LITAF: variants seen among roughly 807,000 people sequenced by gnomAD.
LITAF encodes lipopolysaccharide-induced tumor necrosis factor-alpha factor.
A neutral mutation model predicts 14.5 loss-of-function variants in LITAF; 9 were observed. The observed-to-expected ratio is 0.62, with a 90% confidence interval of 0.37 to 1.08. The LOEUF (loss-of-function observed/expected upper bound fraction) is 1.08. LITAF is among the 50% of genes least tolerant of loss of function. LITAF has a pLI of 0.01. For missense variants in LITAF, 206 were observed against 213.4 expected (o/e 0.97, Z 0.22); for synonymous variants, 98 against 88.2 (o/e 1.11, Z -0.62).
At chr16:11,617,085 T>C (rs2065023666) in intron 3 of LITAF, among the ~76,000 whole-genome samples, 1 of 151,888 alleles carries the variant, frequency 6.6e-6, no homozygotes, top group Non-Finnish European at 1.5e-5. Flanking sequence ...CCAGGCGTGG[T>C]GGTGCAAGCC....
chr16:11,589,017 C>T (rs1458608794), upstream of LITAF, among the ~76,000 whole-genome samples: 1 of 152,146 alleles, frequency 6.6e-6, no homozygotes, highest in Non-Finnish European at 1.5e-5. Flanking sequence ...TGAGCAGCAA[C>T]AGGAGCCAGC....
chr16:11,628,873 G>A (rs113077316), intron 3 of LITAF, among the ~76,000 whole-genome samples: 22,013 of 152,100 alleles, frequency 0.14, 2,095 homozygotes, highest in Non-Finnish European at 0.22. Context: ...ATGGAGTTTC[G>A]CCATATTGGC....
At chr16:11,566,466 T>A (rs760826569) in intron 1 of LITAF, among the ~76,000 whole-genome samples, 1 of 152,092 alleles carries the variant, frequency 6.6e-6, no homozygotes, top group Non-Finnish European at 1.5e-5. Context: ...TGGAAAGGCA[T>A]GAAGATTTGG....
At chr16:11,587,186 C>CA (rs930900029), upstream of LITAF, 16 of 336,022 alleles carry the variant, frequency 4.8e-5, no homozygotes, top group Admixed American at 2.7e-4. Context: ...GTGTCTCCCC[C>CA]ACTCTCCTAT....
At chr16:11,619,394 G>C (rs1567265641) in intron 3 of LITAF, among the ~76,000 whole-genome samples, 1 of 152,076 alleles carries the variant, frequency 6.6e-6, no homozygotes, top group African/African-American at 2.4e-5. Flanking sequence ...GCAAAGACCA[G>C]TGCCCCAAAG....
intron 1 of LITAF, among the ~76,000 whole-genome samples, chr16:11,585,470 A>G (rs1308473857): frequency 6.6e-6 from 1 of 152,130 alleles, no homozygotes; most frequent in Admixed American, 6.6e-5. Context: ...TGGAGAAGAA[A>G]GCCAAGTGCA....
chr16:11,633,737 G>C (rs2065128001), intron 2 of LITAF: 1 of 152,098 alleles, frequency 6.6e-6, no homozygotes, highest in African/African-American at 2.4e-5. Flanking sequence ...TCCTCACATG[G>C]GGCTGCTCTG....
intron 3 of LITAF, among the ~76,000 whole-genome samples, chr16:11,611,073 T>C (rs1418219322): frequency 6.6e-6 from 1 of 151,882 alleles, no homozygotes; most frequent in Non-Finnish European, 1.5e-5. Context: ...ATACAGTACA[T>C]GGCTAGGCAT....
At chr16:11,636,249 T>C (rs942249912) in exon 1 of LITAF, 5 of 152,192 alleles carry the variant, frequency 3.3e-5, no homozygotes, top group Admixed American at 1.3e-4. Flanking sequence ...ACCCGAGATT[T>C]GTTGTCTGAC....
At position 11,551,919 on chromosome 16, in the gene LITAF, A is replaced by G. The variant is rs1048505102; in HGVS notation, c.377+1614T>C. ...TAATACAAATATCCAGAGGCAATGGACTTTTTTTTTTTTTAAGCATTTTCT... is the reference window on the plus strand; with the variant it reads ...TAATACAAATATCCAGAGGCAATGGGCTTTTTTTTTTTTTAAGCATTTTCT... On this transcript the variant is annotated intron_variant, in intron 3 of 3. Transcript: ENST00000622633. 85 of 399,736 alleles carry G rather than the reference A, an allele frequency of 2.1e-4. 2 individuals carry two copies. The Middle Eastern group carries it at 4.9e-3, about 23-fold the overall frequency. The allele number at this position is 399,736 out of a possible 1,614,324, so 24.8% of individuals were successfully genotyped here.
intron 3 of LITAF, among the ~76,000 whole-genome samples, chr16:11,552,525 T>C (rs1292289054): frequency 1.3e-5 from 2 of 152,118 alleles, no homozygotes; most frequent in Admixed American, 1.3e-4. Flanking sequence ...ATTATTTAGG[T>C]CATGAAATTC....
chr16:11,571,172 A>T (rs976034282), intron 1 of LITAF, among the ~76,000 whole-genome samples: 2 of 152,110 alleles, frequency 1.3e-5, no homozygotes, highest in African/African-American at 2.4e-5. Flanking sequence ...GGTTCAAGCG[A>T]TTCTCCTGCC....
chr16:11,551,813 C>T (rs1041826530), intron 3 of LITAF: 3 of 603,942 alleles, frequency 5.0e-6, no homozygotes, highest in Non-Finnish European at 9.0e-6. Flanking sequence ...GCCTGGACAA[C>T]AGAGCAAGAC....
At chr16:11,573,498 C>T (rs531362701) in intron 1 of LITAF, among the ~76,000 whole-genome samples, 4 of 152,282 alleles carry the variant, frequency 2.6e-5, no homozygotes, top group East Asian at 1.9e-4. Flanking sequence ...TTCACTACAG[C>T]GTTGCTGGTA....
intron 1 of LITAF, among the ~76,000 whole-genome samples, chr16:11,568,663 G>A (rs1329310605): frequency 6.7e-6 from 1 of 148,316 alleles, no homozygotes; most frequent in Non-Finnish European, 1.5e-5. Flanking sequence ...GACACTGAAG[G>A]TACACCCTTG....
At chr16:11,587,348 G>C (rs895576716), upstream of LITAF, 1 of 451,314 alleles carries the variant, frequency 2.2e-6, no homozygotes, top group African/African-American at 2.0e-5. Flanking sequence ...CTCGACCCCG[G>C]ACCCGCGCTG....
chr16:11,631,901 G>A, intron 3 of LITAF, among the ~76,000 whole-genome samples: 1 of 149,216 alleles, frequency 6.7e-6, no homozygotes, highest in East Asian at 2.0e-4. Context: ...ACAGGCTGGA[G>A]TGCAACAGCA....
chr16:11,620,649 G>A (rs2065044718), intron 3 of LITAF, among the ~76,000 whole-genome samples: 1 of 152,162 alleles, frequency 6.6e-6, no homozygotes, highest in Non-Finnish European at 1.5e-5. Flanking sequence ...TCCCACTATT[G>A]AAGGTGATAT....
At chr16:11,556,764 A>G (rs1347333664) in intron 1 of LITAF, 29 bp from the exon 2 acceptor site, 1 of 1,570,828 alleles carries the variant, frequency 6.4e-7, no homozygotes, top group Non-Finnish European at 8.8e-7. Flanking sequence ...ATACCAGATA[A>G]GAAATTCAGT....
Sources: gnomAD v4.1 joint callset for allele counts (sites outside exome capture counted in the v4.1 genomes callset) on GRCh38, gnomAD v4.1.1 for gene constraint, MANE v1.5 for transcripts, NCBI Gene and HGNC (gene_info 2026-07-23, HGNC 2026-07-21) for gene names.